The following ATG10 variants were observed in gnomAD, a reference collection of about 807,000 sequenced individuals.
ATG10 encodes autophagy related 10.
Under a neutral mutation model 32.1 loss-of-function variants are expected in ATG10, and 30 were observed. The ratio of observed to expected loss-of-function variants is 0.94; its 90% CI spans 0.70 to 1.27. The LOEUF (loss-of-function observed/expected upper bound fraction) is 1.27. Ranked by LOEUF, ATG10 falls within the 50% of genes most tolerant of loss-of-function variation. The pLI is 0.00. For synonymous variants in ATG10, 87 were observed against 91.5 expected, an observed-to-expected ratio of 0.95 and a Z score of 0.28; for missense variants, 233 against 262.3, an observed-to-expected ratio of 0.89 and a Z score of 0.77.
intron 2 of ATG10, among the ~76,000 whole-genome samples, chr5:82,031,266 G>A (rs1762734946): frequency 6.6e-6 from 1 of 152,118 alleles, no homozygotes; most frequent in Non-Finnish European, 1.5e-5. Context: ...ATATTCGAAG[G>A]ACTGTGTTGA....
chr5:81,982,417 T>G lies in ATG10; in HGVS notation c.-12-5142T>G, dbSNP rs528191144. Among the ~76,000 whole-genome samples the G allele has an allele frequency of 1.1e-3, 175 of 152,214 alleles. 2 individuals carry two copies. The highest frequency in any genetic ancestry group is 2.3e-3 in the Admixed American group (35 of 15,292). ...GGAGGTGGAGGTTGTAGTGAACCGA[T>G]ATCATGCCACTGCCTGGGCGATTCC... On this transcript the variant is annotated intron_variant, in intron 1 of 7. Coordinates refer to ENST00000282185, the MANE Select transcript of ATG10 (RefSeq NM_031482.5).
chr5:82,102,728 C>G (rs1048691342), intron 3 of ATG10, among the ~76,000 whole-genome samples: 7 of 152,156 alleles, frequency 4.6e-5, no homozygotes, highest in African/African-American at 1.7e-4. Flanking sequence ...TTTTGACCAT[C>G]CTTCTCACAG....
chr5:82,139,751 G>T (rs1198761375), intron 3 of ATG10, among the ~76,000 whole-genome samples: 1 of 135,802 alleles, frequency 7.4e-6, no homozygotes, highest in Non-Finnish European at 1.6e-5. Flanking sequence ...CGCCCCGTCC[G>T]GGAGGCGAGG....
chr5:82,130,747 C>T (rs1479469711), intron 3 of ATG10, among the ~76,000 whole-genome samples: 1 of 152,138 alleles, frequency 6.6e-6, no homozygotes, highest in Non-Finnish European at 1.5e-5. Context: ...CTACTTTCTG[C>T]ATTGATCTCA....
At chr5:82,115,876 G>C (rs1765792711) in intron 3 of ATG10, among the ~76,000 whole-genome samples, 1 of 152,060 alleles carries the variant, frequency 6.6e-6, no homozygotes, top group Non-Finnish European at 1.5e-5. Context: ...AACCAGAGGA[G>C]AGGTAGCAGT....
intron 5 of ATG10, among the ~76,000 whole-genome samples, chr5:82,216,838 T>C (rs971780794): frequency 6.6e-6 from 1 of 151,988 alleles, no homozygotes; most frequent in Non-Finnish European, 1.5e-5. Context: ...GGGTGGATCA[T>C]GAGGTCAGGA....
intron 3 of ATG10, among the ~76,000 whole-genome samples, chr5:82,132,091 ACCT>A (rs1766562381): frequency 6.6e-6 from 1 of 152,022 alleles, no homozygotes; most frequent in Non-Finnish European, 1.5e-5. Context: ...ACCAGGACCC[ACCT>A]CCAACATTAG....
chr5:81,982,450 AAAAACAAAAC>A (rs965216647), intron 1 of ATG10, among the ~76,000 whole-genome samples: 1 of 152,234 alleles, frequency 6.6e-6, no homozygotes, highest in African/African-American at 2.4e-5. Context: ...TCCGTCTCCA[AAAAACAAAAC>A]AAAACAAAAC....
intron 2 of ATG10, among the ~76,000 whole-genome samples, chr5:82,043,852 CACCATTTTATTCAAAA>C (rs1272767573): frequency 6.6e-6 from 1 of 152,178 alleles, no homozygotes; most frequent in Non-Finnish European, 1.5e-5. Flanking sequence ...ATATCACCAT[CACCATTTTATTCAAAA>C]ACCATTCAAC....
intron 1 of ATG10, among the ~76,000 whole-genome samples, chr5:81,983,654 C>T (rs561737776): frequency 5.3e-5 from 8 of 151,012 alleles, no homozygotes; most frequent in African/African-American, 1.9e-4. Context: ...ACCCTCCCAC[C>T]TCCCTCCCGG....
chr5:82,212,635 A>G (rs1745535915), intron 5 of ATG10, among the ~76,000 whole-genome samples: 1 of 152,236 alleles, frequency 6.6e-6, no homozygotes. Flanking sequence ...AGTATTGGGA[A>G]GGGTATGGGC....
chr5:82,060,856 A>G (rs1763744452), intron 3 of ATG10, among the ~76,000 whole-genome samples: 1 of 152,158 alleles, frequency 6.6e-6, no homozygotes, highest in African/African-American at 2.4e-5. Flanking sequence ...TGTCTGGGAA[A>G]AAAAAAAAAG....
chr5:82,032,116 G>A (rs980687958), intron 2 of ATG10, among the ~76,000 whole-genome samples: 3 of 152,190 alleles, frequency 2.0e-5, no homozygotes, highest in Non-Finnish European at 4.4e-5. Context: ...GAGAGACTCT[G>A]GTTAGTATAA....
At chr5:82,124,060 CT>C (rs1766152096) in intron 3 of ATG10, among the ~76,000 whole-genome samples, 1 of 150,356 alleles carries the variant, frequency 6.7e-6, no homozygotes, top group South Asian at 2.1e-4. Flanking sequence ...TTTTTTTCCA[CT>C]TATATTCCAT....
chr5:82,218,761 T>C (rs1157490387), intron 5 of ATG10, among the ~76,000 whole-genome samples: 2 of 152,222 alleles, frequency 1.3e-5, no homozygotes, highest in African/African-American at 2.4e-5. Context: ...AAGAAAAAGA[T>C]TCTAAAATCT....
rs184954747 is a variant in ATG10 at position 82,089,172 on chromosome 5, G to A, written c.216+30570G>A. ...TTCGAGACACACATGGAGAAACCCC[G>A]TCTCTACTAAAAATACAAAATTAGC... On this transcript the variant is annotated intron_variant, in intron 3 of 7. Coordinates refer to ENST00000282185, the MANE Select transcript of ATG10 (RefSeq NM_031482.5). 6.4e-3 allele frequency among the ~76,000 whole-genome samples: 969 copies of A among 152,050 alleles called. 7 individuals are homozygous for A. The highest frequency in any genetic ancestry group is 9.8e-3 in the Non-Finnish European group (667 of 67,950).
chr5:82,247,248 T>C (rs1462376080), intron 5 of ATG10, among the ~76,000 whole-genome samples: 6 of 152,234 alleles, frequency 3.9e-5, no homozygotes, highest in Non-Finnish European at 8.8e-5. Flanking sequence ...TCTCTCCTTC[T>C]CTTTTTCAGA....
intron 2 of ATG10, among the ~76,000 whole-genome samples, chr5:82,001,390 C>G (rs904954549): frequency 1.3e-5 from 2 of 152,174 alleles, no homozygotes; most frequent in African/African-American, 4.8e-5. Flanking sequence ...CATTACCCAA[C>G]TTCAAACTAT....
At chr5:82,189,560 A>G (rs1014115009) in intron 5 of ATG10, among the ~76,000 whole-genome samples, 19 of 152,208 alleles carry the variant, frequency 1.2e-4, no homozygotes, top group Non-Finnish European at 1.0e-4. Flanking sequence ...CTGGCAGCTT[A>G]CTGTTCAAAT....
Sources: allele counts gnomAD v4.1 joint callset (sites outside exome capture counted in the v4.1 genomes callset), GRCh38; gene constraint gnomAD v4.1.1; transcripts MANE v1.5; gene names NCBI Gene and HGNC (gene_info 2026-07-23, HGNC 2026-07-21).